Variants in HNRNPUL1 observed in about 807,000 individuals in gnomAD.
HNRNPUL1 encodes the protein heterogeneous nuclear ribonucleoprotein U like 1, also known as heterogeneous nuclear ribonucleoprotein U-like protein 1.
HNRNPUL1 carries 14 observed loss-of-function variants against 108.5 expected under a neutral mutation model. The ratio of observed to expected loss-of-function variants is 0.13; its 90% CI spans 0.09 to 0.20. HNRNPUL1 has a LOEUF of 0.20. HNRNPUL1 is among the 10% of genes least tolerant of loss of function. HNRNPUL1 has a pLI of 1.00. For missense variants in HNRNPUL1, 804 were observed against 1,168.3 expected (o/e 0.69, Z 4.55); for synonymous variants, 422 against 445.2 (o/e 0.95, Z 0.66).
rs2037231691 is a variant in HNRNPUL1 at position 41,301,878 on chromosome 19, C to T, written c.1687+174C>T. 3 of 630,142 alleles carry T rather than the reference C, an allele frequency of 4.8e-6. No individual in the cohort carries two copies. In the Admixed American group the frequency reaches 9.9e-5, roughly 21 times the overall value. 39.0% of individuals were successfully genotyped at this position (630,142 alleles called of 1,614,324 possible). ...CCACAGCTGTGAATGGAAAAGCTAC[C>T]CATCTGTCTTATGTTGGGGTTTTCA... is the stretch of plus-strand genomic sequence containing the variant. On this transcript the variant is annotated intron_variant, in intron 11 of 14. Coordinates refer to ENST00000392006, the MANE Select transcript of HNRNPUL1 (RefSeq NM_007040.6).
intron 1 of HNRNPUL1, 142 bp downstream of exon 1, chr19:41,264,940 G>A (rs2122347466): frequency 7.4e-7 from 1 of 1,343,344 alleles, no homozygotes; most frequent in East Asian, 3.0e-5. Context: ...AAAAGGATCT[G>A]GGGACCAGGG....
intron 1 of HNRNPUL1, among the ~76,000 whole-genome samples, chr19:41,265,849 A>G (rs1193868018): frequency 6.6e-6 from 1 of 151,474 alleles, no homozygotes. Flanking sequence ...CTTAGCGAAT[A>G]TGGGGAGGGG....
chr19:41,306,393 A>G, intron 14 of HNRNPUL1, 56 bp from the exon 15 acceptor site: 1 of 1,187,844 alleles, frequency 8.4e-7, no homozygotes, highest in East Asian at 2.7e-5. Flanking sequence ...GCTGGTGGGG[A>G]GGCTAAATGT....
In HNRNPUL1 at chr19:41,301,820, T is replaced by G. The variant is rs1398073853; in HGVS notation, c.1687+116T>G. 7 of 923,874 alleles carry G rather than the reference T, an allele frequency of 7.6e-6. No individual in the cohort carries two copies. The East Asian group carries it at 1.9e-4, about 25-fold the overall frequency. The allele number at this position is 923,874 out of a possible 1,614,324, so 57.2% of individuals were successfully genotyped here. ...GTGATTTCTTTTTTGATCTTACTCTTTCTTTGCTTCTGCTTTGTCCCTTCC... is the reference window on the plus strand; with the variant it reads ...GTGATTTCTTTTTTGATCTTACTCTGTCTTTGCTTCTGCTTTGTCCCTTCC... On this transcript the variant is annotated intron_variant, in intron 11 of 14. Transcript: ENST00000392006.
At chr19:41,295,445 A>C (rs2036836562) in intron 10 of HNRNPUL1, among the ~76,000 whole-genome samples, 1 of 152,212 alleles carries the variant, frequency 6.6e-6, no homozygotes, top group Non-Finnish European at 1.5e-5. Flanking sequence ...TGACCCAAAA[A>C]TCATTACAGA....
At chr19:41,293,897 C>G (rs1599835180) in intron 8 of HNRNPUL1, among the ~76,000 whole-genome samples, 1 of 152,226 alleles carries the variant, frequency 6.6e-6, no homozygotes, top group East Asian at 1.9e-4. Flanking sequence ...GTTCTAGCTA[C>G]TCTGGAGGCT....
intron 5 of HNRNPUL1, chr19:41,278,514 A>G (rs953798872): frequency 6.6e-6 from 1 of 152,356 alleles, no homozygotes; most frequent in African/African-American, 2.4e-5. Flanking sequence ...TGCATATACA[A>G]ATACAGTCAC....
At chr19:41,281,912 C>T (rs1218354299) in intron 7 of HNRNPUL1, among the ~76,000 whole-genome samples, 2 of 152,190 alleles carry the variant, frequency 1.3e-5, no homozygotes, top group Non-Finnish European at 2.9e-5. Context: ...TTTCAGTTCC[C>T]TCTAAATGAG....
intron 7 of HNRNPUL1, among the ~76,000 whole-genome samples, chr19:41,290,500 G>A (rs565371101): frequency 1.3e-5 from 2 of 152,168 alleles, no homozygotes; most frequent in South Asian, 2.1e-4. Flanking sequence ...CTCACATGCC[G>A]AGGTAGGCCG....
chr19:41,296,325 C>T (rs1229515599), intron 10 of HNRNPUL1, among the ~76,000 whole-genome samples: 1 of 152,238 alleles, frequency 6.6e-6, no homozygotes, highest in Admixed American at 6.5e-5. Context: ...TTGGCTGCTG[C>T]TGGCTTGTTC....
chr19:41,280,943 C>T (rs1238183328), intron 6 of HNRNPUL1: 1 of 511,498 alleles, frequency 2.0e-6, no homozygotes. Flanking sequence ...AGTTGAGCTC[C>T]TACTCCCAGA....
intron 11 of HNRNPUL1, among the ~76,000 whole-genome samples, chr19:41,302,137 G>A (rs894560999): frequency 3.9e-5 from 6 of 151,978 alleles, no homozygotes; most frequent in African/African-American, 1.2e-4. Flanking sequence ...TTCAGAAAAC[G>A]GAGGAGTCTT....
intron 11 of HNRNPUL1, 58 bp from the exon 12 acceptor site, chr19:41,302,607 C>A: frequency 6.2e-7 from 1 of 1,604,428 alleles, no homozygotes; most frequent in East Asian, 2.2e-5. Context: ...GGGGACCAGA[C>A]TTCAGAAGGT....
rs10421282 is a variant in HNRNPUL1, at chr19:41,281,947, T to C, written c.999+672T>C. On this transcript the variant is annotated intron_variant, in intron 7 of 14. Coordinates refer to ENST00000392006, the MANE Select transcript of HNRNPUL1 (RefSeq NM_007040.6). ...GAATCTTTGCACCTACCTCAGAATT[T>C]TGTGTGGAGTCATTAAGTTAATCCA... is the stretch of plus-strand genomic sequence containing the variant. Among the ~76,000 whole-genome samples the C allele has an allele frequency of 7.8e-3, 1,195 of 152,318 alleles. 18 individuals carry two copies. Among genetic ancestry groups the C allele is most frequent in the African/African-American group, 0.024 (985 of 41,564 alleles).
intron 5 of HNRNPUL1, among the ~76,000 whole-genome samples, chr19:41,278,060 TTTTG>T (rs1162669136): frequency 1.1e-4 from 17 of 151,886 alleles, no homozygotes; most frequent in African/African-American, 4.1e-4. Context: ...TGATTGTTTG[TTTTG>T]TTTGTTTTGT....
intron 11 of HNRNPUL1, among the ~76,000 whole-genome samples, chr19:41,302,218 T>TG (rs1193888814): frequency 1.0e-4 from 15 of 143,052 alleles, no homozygotes; most frequent in African/African-American, 3.9e-4. Flanking sequence ...CTCTCTGTTT[T>TG]TTTTTTTTTT....
At chr19:41,288,196 T>G (rs1247652606) in intron 7 of HNRNPUL1, among the ~76,000 whole-genome samples, 1 of 65,214 alleles carries the variant, frequency 1.5e-5, no homozygotes, top group Non-Finnish European at 2.9e-5. Flanking sequence ...GTACTCGGGG[T>G]TTCATCTTTT....
chr19:41,290,966 A>G (rs1323314103), intron 7 of HNRNPUL1, among the ~76,000 whole-genome samples: 2 of 152,190 alleles, frequency 1.3e-5, no homozygotes, highest in Non-Finnish European at 2.9e-5. Flanking sequence ...GAATCGCTTG[A>G]ACCCAGGAGG....
At chr19:41,264,252 A>C, upstream of HNRNPUL1, 1 of 375,082 alleles carries the variant, frequency 2.7e-6, no homozygotes, top group Non-Finnish European at 4.7e-6. Flanking sequence ...GTTGTTTTGA[A>C]AACGGCGCTC....
Sources: gnomAD v4.1 joint callset for allele counts (sites outside exome capture counted in the v4.1 genomes callset) on GRCh38, gnomAD v4.1.1 for gene constraint, MANE v1.5 for transcripts, NCBI Gene and HGNC (gene_info 2026-07-23, HGNC 2026-07-21) for gene names.